USP31: variants seen among roughly 807,000 people sequenced by gnomAD.
USP31 encodes the protein ubiquitin carboxyl-terminal hydrolase 31.
In USP31, 44 loss-of-function variants were observed where a neutral mutation model predicts 119.4. That is an observed-to-expected ratio of 0.37 (90% CI 0.29 to 0.47). USP31 has a LOEUF of 0.47. Ranked by LOEUF, USP31 falls within the 20% of genes least tolerant of loss-of-function variation. USP31 has a pLI of 0.99. For synonymous variants in USP31, 749 were observed against 705.6 expected (o/e 1.06, Z -0.97); for missense variants, 1,643 against 1,730.2 (o/e 0.95, Z 0.89).
chr16:23,148,643 A>C lies in USP31; in HGVS notation c.628T>G (p.Phe210Val). The change falls in exon 1 of 16, where the codon TTC (phenylalanine) becomes GTC (valine). Residue 210 changes from phenylalanine to valine, a missense_variant. Physicochemically the swap from Phe to Val is conservative, Grantham distance 50. Coordinates refer to ENST00000219689, the MANE Select transcript of USP31 (RefSeq NM_020718.4). ...LEYTPQHSRD[F>V]KTIVSKNALQ... Reference sequence around the variant, plus strand: ...GCGGCGGCGCGCGGGCTCACCTTGAAGTCGCGGCTGTGCTGCGGGGTGTAC... The same window carrying C: ...GCGGCGGCGCGCGGGCTCACCTTGACGTCGCGGCTGTGCTGCGGGGTGTAC... 5 of 1,482,376 alleles carry C rather than the reference A, an allele frequency of 3.4e-6. No individual in the cohort carries two copies. The highest frequency in any genetic ancestry group is 4.5e-6 in the Non-Finnish European group (5 of 1,121,858). 91.8% of individuals were successfully genotyped at this position (1,482,376 alleles called of 1,614,324 possible).
Position 23,062,204 on chromosome 16 carries a change from T to G in USP31, c.*5842A>C, listed in dbSNP as rs530564489. 2 of 152,584 alleles carry G rather than the reference T, an allele frequency of 1.3e-5. No homozygotes were observed. The highest frequency in any genetic ancestry group is 2.4e-5 in the African/African-American group (1 of 41,576). The allele number at this position is 152,584 out of a possible 1,614,324, so 9.5% of individuals were successfully genotyped here. A position where few individuals can be genotyped will look rare whatever the true frequency, so the allele number is the denominator to read the frequency against. ...GGCTCGACAGAATGAAACCATCAGA[T>G]TACTTCGAAGGTGTTGTAGTGCATT... is the stretch of plus-strand genomic sequence containing the variant. On this transcript the variant is annotated 3_prime_UTR_variant, in exon 16 of 16. Coordinates refer to ENST00000219689, the MANE Select transcript of USP31 (RefSeq NM_020718.4).
At chr16:23,121,132 T>C (rs1252679788) in intron 1 of USP31, among the ~76,000 whole-genome samples, 1 of 152,208 alleles carries the variant, frequency 6.6e-6, no homozygotes, top group Non-Finnish European at 1.5e-5. Context: ...AGGGAGATTA[T>C]TCATAAGCAG....
intron 2 of USP31, among the ~76,000 whole-genome samples, chr16:23,106,915 C>G (rs1902132309): frequency 6.6e-6 from 1 of 152,090 alleles, no homozygotes; most frequent in African/African-American, 2.4e-5. Context: ...GAGTTCGAGA[C>G]CAGCCTGACC....
At chr16:23,108,216 G>C (rs1038919448) in intron 1 of USP31, 33 bp from the exon 2 acceptor site, 1 of 1,573,596 alleles carries the variant, frequency 6.4e-7, no homozygotes, top group Non-Finnish European at 8.6e-7. Context: ...ATGAACAGCT[G>C]TGAGTTCCTG....
intron 1 of USP31, among the ~76,000 whole-genome samples, chr16:23,146,827 G>GA (rs1203791144): frequency 5.3e-5 from 8 of 152,014 alleles, no homozygotes; most frequent in African/African-American, 1.9e-4. Flanking sequence ...TTGTTATAAA[G>GA]AAGCTTTATA....
chr16:23,088,825 C>T (rs73538667), intron 7 of USP31, among the ~76,000 whole-genome samples: 1,691 of 152,192 alleles, frequency 0.011, 30 homozygotes, highest in African/African-American at 0.038. Context: ...ATCTTAGTAG[C>T]GCAAACAGAC....
At chr16:23,141,159 A>C (rs1183058193) in intron 1 of USP31, among the ~76,000 whole-genome samples, 9 of 152,280 alleles carry the variant, frequency 5.9e-5, no homozygotes, top group Admixed American at 5.9e-4. Flanking sequence ...CTATAGCTAC[A>C]CAAGGCAGAC....
chr16:23,136,640 C>T (rs1903200070), intron 1 of USP31, among the ~76,000 whole-genome samples: 1 of 131,760 alleles, frequency 7.6e-6, no homozygotes, highest in Admixed American at 7.8e-5. Context: ...GGCAACAAAG[C>T]AAGACTTCAT....
chr16:23,082,488 G>T lies in USP31; in HGVS notation c.1900C>A (p.Leu634Ile), dbSNP rs759750927. ...QLQQGSITLS[L>I]WTLPDVLIIH... ...ATAAGCACATCAGGCAGAGTCCAGAGGCTTAACGTAATGCTTCCCTGCTGC... is the reference window on the plus strand; with the variant it reads ...ATAAGCACATCAGGCAGAGTCCAGATGCTTAACGTAATGCTTCCCTGCTGC... Residue 634 changes from leucine (L) to isoleucine (I), a missense_variant, in exon 12 of 16, where the codon CTC (leucine) becomes ATC (isoleucine). Leu to Ile is a conservative substitution (Grantham distance 5). Transcript: ENST00000219689. The T allele has an allele frequency of 3.7e-6, 6 of 1,614,202 alleles. No individual in the cohort carries two copies. Among genetic ancestry groups the T allele is most frequent in the Non-Finnish European group, 5.1e-6 (6 of 1,180,042 alleles).
chr16:23,106,598 A>G (rs1405342638), intron 2 of USP31, 111 bp from the exon 3 acceptor site: 21 of 1,112,180 alleles, frequency 1.9e-5, no homozygotes, highest in East Asian at 1.0e-4. Context: ...CTATGCATCA[A>G]GTGCAGATAC....
chr16:23,092,619 T>C (rs1284262184), intron 6 of USP31, among the ~76,000 whole-genome samples: 1 of 152,116 alleles, frequency 6.6e-6, no homozygotes, highest in Non-Finnish European at 1.5e-5. Context: ...TTTACTGTAA[T>C]GCAATAAAAC....
chr16:23,075,067 C>T lies in USP31; in HGVS notation c.2177-1187G>A, dbSNP rs1206784977. Among the ~76,000 whole-genome samples the T allele has an allele frequency of 2.0e-5, 3 of 152,062 alleles. 1 individual carries two copies. Among genetic ancestry groups the T allele is most frequent in the Admixed American group, 1.3e-4 (2 of 15,276 alleles). On this transcript the variant is annotated intron_variant, in intron 13 of 15. Coordinates refer to ENST00000219689, the MANE Select transcript of USP31 (RefSeq NM_020718.4). Reference sequence around the variant, plus strand: ...GGAGACTTAAGGGATAAAAGAGACGCGGGTGAGAAAGGGCTACACCAGACA... The same window carrying T: ...GGAGACTTAAGGGATAAAAGAGACGTGGGTGAGAAAGGGCTACACCAGACA...
At position 23,066,549 on chromosome 16, in the gene USP31, C is replaced by A. The variant is rs1900080351; in HGVS notation, c.*1497G>T. 6.6e-6 allele frequency: 1 copy of A among 152,002 alleles called. No homozygotes were observed. The highest frequency in any genetic ancestry group is 1.9e-4 in the East Asian group (1 of 5,194). The allele number at this position is 152,002 out of a possible 1,614,324, so 9.4% of individuals were successfully genotyped here. ...AGGGTTCAAGAAGAACTTGAAGAGT[C>A]TGACGAAAAACGCTAATATTTAAAA... On this transcript the variant is annotated 3_prime_UTR_variant, in exon 16 of 16. Coordinates refer to ENST00000219689, the MANE Select transcript of USP31 (RefSeq NM_020718.4).
chr16:23,088,009 T>C (rs916193668), intron 7 of USP31, among the ~76,000 whole-genome samples, 174 bp from the exon 8 acceptor site: 1 of 152,180 alleles, frequency 6.6e-6, no homozygotes, highest in Non-Finnish European at 1.5e-5. Flanking sequence ...GATGAACAGC[T>C]TGGATTTCTA....
At chr16:23,097,836 G>A (rs2141862130) in intron 6 of USP31, among the ~76,000 whole-genome samples, 1 of 152,230 alleles carries the variant, frequency 6.6e-6, no homozygotes. Flanking sequence ...AATAATAAGA[G>A]CTATTTATGA....
chr16:23,110,187 C>A (rs941017366), intron 1 of USP31, among the ~76,000 whole-genome samples: 6 of 152,158 alleles, frequency 3.9e-5, no homozygotes, highest in Non-Finnish European at 8.8e-5. Context: ...CTAAAACTAT[C>A]CTAAAAGTTT....
intron 1 of USP31, among the ~76,000 whole-genome samples, chr16:23,144,307 A>G (rs1903442496): frequency 6.6e-6 from 1 of 152,180 alleles, no homozygotes; most frequent in African/African-American, 2.4e-5. Context: ...TGCCAACTTC[A>G]ACTAGGTGGT....
At position 23,069,107 on chromosome 16, in the gene USP31, T is replaced by A; in HGVS notation, c.2998A>T (p.Ser1000Cys). The A allele has an allele frequency of 6.2e-7, 1 of 1,613,080 alleles. No individual in the cohort carries two copies. Among genetic ancestry groups the A allele is most frequent in the Non-Finnish European group, 8.5e-7 (1 of 1,180,024 alleles). Residue 1000 changes from serine (S) to cysteine (C), a missense_variant, in exon 16 of 16, where the codon AGC becomes TGC. Transcript: ENST00000219689. ...AYVDQSDSVD[S>C]SPVKEVKAPS... ...GCTTTCACCTCTTTGACTGGAGAGC[T>A]GTCTACGGAGTCGCTCTGATCCACA... is the stretch of plus-strand genomic sequence containing the variant.
chr16:23,090,513 T>C, intron 7 of USP31, 111 bp downstream of exon 7: 1 of 1,131,336 alleles, frequency 8.8e-7, no homozygotes, highest in Non-Finnish European at 1.2e-6. Context: ...AATATCAGAA[T>C]CAAAAATTAA....
Sources: allele counts gnomAD v4.1 joint callset (sites outside exome capture counted in the v4.1 genomes callset), GRCh38; gene constraint gnomAD v4.1.1; transcripts MANE v1.5; gene names NCBI Gene and HGNC (gene_info 2026-07-23, HGNC 2026-07-21).